The following KCNT1 variants were observed in gnomAD, a reference collection of about 807,000 sequenced individuals.
The protein encoded by KCNT1 is potassium sodium-activated channel subfamily T member 1.
Under a neutral mutation model 147.8 loss-of-function variants are expected in KCNT1, and 78 were observed. The observed-to-expected ratio is 0.53, with a 90% confidence interval of 0.44 to 0.64. The LOEUF (loss-of-function observed/expected upper bound fraction) is 0.64. KCNT1 is among the 30% of genes least tolerant of loss of function. KCNT1 has a pLI of 0.00. For synonymous variants in KCNT1, 867 were observed against 748.8 expected, an observed-to-expected ratio of 1.16 and a Z score of -2.58; for missense variants, 1,419 against 1,750.3, an observed-to-expected ratio of 0.81 and a Z score of 3.38.
intron 2 of KCNT1, among the ~76,000 whole-genome samples, chr9:135,738,388 G>C (rs1369301722): frequency 1.3e-5 from 2 of 152,222 alleles, no homozygotes; most frequent in Non-Finnish European, 2.9e-5. Context: ...GCGCTGAGAT[G>C]AGTAGGGCAG....
At chr9:135,767,361 C>A (rs1268801852) in intron 13 of KCNT1, among the ~76,000 whole-genome samples, 1 of 152,196 alleles carries the variant, frequency 6.6e-6, no homozygotes, top group Non-Finnish European at 1.5e-5. Flanking sequence ...GCGGAGCAGA[C>A]AGTGGTGCCA....
At chr9:135,759,162 G>A (rs548256193) in intron 10 of KCNT1, among the ~76,000 whole-genome samples, 13 of 152,308 alleles carry the variant, frequency 8.5e-5, no homozygotes, top group South Asian at 6.2e-4. Context: ...GGGACCTGGC[G>A]GCGACCCCAG....
chr9:135,736,618 G>C (rs1270640591), intron 2 of KCNT1: 1 of 156,336 alleles, frequency 6.4e-6, no homozygotes, highest in Non-Finnish European at 1.4e-5. Flanking sequence ...CCGCCGCGCC[G>C]AGCGCTCCCG....
At chr9:135,782,603 C>T (rs1395092290) in intron 24 of KCNT1, among the ~76,000 whole-genome samples, 3 of 152,208 alleles carry the variant, frequency 2.0e-5, no homozygotes, top group Non-Finnish European at 4.4e-5. Flanking sequence ...CTGCTGAAGC[C>T]CTCCTGTCCA....
At chr9:135,726,122 C>A (rs1836127888) in intron 2 of KCNT1, among the ~76,000 whole-genome samples, 1 of 152,028 alleles carries the variant, frequency 6.6e-6, no homozygotes, top group Non-Finnish European at 1.5e-5. Flanking sequence ...GAGAGGCCTG[C>A]AGTCGTGGGG....
intron 1 of KCNT1, among the ~76,000 whole-genome samples, chr9:135,705,127 C>T (rs1211226457): frequency 1.3e-5 from 2 of 152,228 alleles, no homozygotes; most frequent in Admixed American, 6.5e-5. Flanking sequence ...TTACTTGGGA[C>T]GAGCCTGGTG....
intron 1 of KCNT1, among the ~76,000 whole-genome samples, chr9:135,712,770 A>G (rs1835554511): frequency 6.6e-6 from 1 of 152,258 alleles, no homozygotes; most frequent in African/African-American, 2.4e-5. Context: ...ACAACAGCGA[A>G]GTATTTTCAA....
At chr9:135,791,725 C>A in intron 29 of KCNT1, 72 bp from the exon 30 acceptor site, 1 of 1,327,612 alleles carries the variant, frequency 7.5e-7, no homozygotes, top group South Asian at 1.2e-5. Flanking sequence ...AGCCCCCACA[C>A]CTCTGGGCCC....
chr9:135,759,043 G>T (rs1831715765), intron 10 of KCNT1, among the ~76,000 whole-genome samples: 1 of 152,258 alleles, frequency 6.6e-6, no homozygotes, highest in Non-Finnish European at 1.5e-5. Flanking sequence ...TGCCCTGGGG[G>T]AGGGAGAGTG....
rs547854866 is a variant in KCNT1, at chr9:135,759,538, G to C, written c.855-141G>C. 1.8e-5 allele frequency: 15 copies of C among 835,880 alleles called. No individual in the cohort carries two copies. In the Admixed American group the frequency reaches 5.3e-4, roughly 29 times the overall value. 51.8% of individuals were successfully genotyped at this position (835,880 alleles called of 1,614,324 possible). On this transcript the variant is annotated intron_variant, in intron 10 of 30. Coordinates refer to ENST00000371757, the MANE Select transcript of KCNT1 (RefSeq NM_020822.3). ...GCTGAGGGCCTGATGCCACCCAGCT[G>C]TCAGGAGGGCGGGGCTCGCCTGGTG...
rs747630922 is a variant in KCNT1, at chr9:135,768,838, A to G, written c.1411A>G (p.Thr471Ala). ...CCACCCACCCCGCCAGGACCACCAG[A>G]CCATCCTGCGCGCCTGGGCCGTGAA... ...EVDRTAADHQ[T>A]ILRAWAVKDF... Residue 471 changes from threonine to alanine, a missense_variant, in exon 15 of 31, where the codon ACC becomes GCC. Thr to Ala is a moderately conservative substitution (Grantham distance 58, BLOSUM62 0). Coordinates refer to ENST00000371757, the MANE Select transcript of KCNT1 (RefSeq NM_020822.3). 3 of 1,612,144 alleles carry G rather than the reference A, an allele frequency of 1.9e-6. No homozygotes were observed. The South Asian group carries it at 3.3e-5, about 18-fold the overall frequency.
At position 135,792,472 on chromosome 9, in the gene KCNT1, C is replaced by T. The variant is rs538082648; in HGVS notation, c.*311C>T. ...CTGGGAGGGCAACGCAGGGACTGGA[C>T]GCCCTACAGGGCCGAGCCCAGGCTG... is the stretch of plus-strand genomic sequence containing the variant. On this transcript the variant is annotated 3_prime_UTR_variant, in exon 31 of 31. Transcript: ENST00000371757. The T allele has an allele frequency of 3.9e-5, 11 of 283,362 alleles. No individual in the cohort carries two copies. Among genetic ancestry groups the T allele is most frequent in the East Asian group, 2.0e-4 (2 of 9,836 alleles). 17.6% of individuals were successfully genotyped at this position (283,362 alleles called of 1,614,324 possible). A position where few individuals can be genotyped will look rare whatever the true frequency, so the allele number is the denominator to read the frequency against.
Position 135,765,681 on chromosome 9 carries a change from C to T in KCNT1, c.1258C>T (p.Leu420=), listed in dbSNP as rs199996353. The stretch of plus-strand genomic sequence containing the variant: ...GATGGATGTCCAGGTGCGCAGAGTC[C>T]TGCAGATCCCTCTGTGGTCCCAGCG... ...TEMDVQVRRV[L]QIPLWSQRVI... Residue 420 remains leucine, a synonymous_variant, in exon 13 of 31, where the codon CTG becomes TTG. Coordinates refer to ENST00000371757, the MANE Select transcript of KCNT1 (RefSeq NM_020822.3). 2.8e-4 allele frequency: 452 copies of T among 1,610,900 alleles called. No homozygotes were observed. Among genetic ancestry groups the T allele is most frequent in the Admixed American group, 1.5e-4 (9 of 59,836 alleles).
chr9:135,766,463 G>A (rs1832292035), intron 13 of KCNT1, among the ~76,000 whole-genome samples: 2 of 152,070 alleles, frequency 1.3e-5, no homozygotes, highest in South Asian at 4.1e-4. Flanking sequence ...GATCATCAGG[G>A]GCGGACCGTC....
intron 24 of KCNT1, 28 bp downstream of exon 24, chr9:135,779,498 C>A: frequency 6.7e-7 from 1 of 1,488,446 alleles, no homozygotes; most frequent in Non-Finnish European, 9.4e-7. Context: ...GTGCCAGCTG[C>A]CACCCCAGAA....
At position 135,730,936 on chromosome 9, in the gene KCNT1, T is replaced by C. The variant is rs931826556; in HGVS notation, c.254+16216T>C. Among the ~76,000 whole-genome samples the C allele has an allele frequency of 7.0e-6, 1 of 142,562 alleles. No homozygotes were observed. Among genetic ancestry groups the C allele is most frequent in the African/African-American group, 2.6e-5 (1 of 38,186 alleles). The allele number at this position is 142,562 out of a possible 152,430, so 93.5% of individuals were successfully genotyped here. ...AGGAGGTCCAGGCTGCAGTGAGCGA[T>C]GTTCATGCCACTGCACTCCAGCCTG... On this transcript the variant is annotated intron_variant, in intron 2 of 30. Coordinates refer to ENST00000371757, the MANE Select transcript of KCNT1 (RefSeq NM_020822.3). The surrounding 1 kb of genome is among the most constrained non-coding windows in gnomAD (Gnocchi z 4.7).
chr9:135,712,558 C>A (rs1564312973), intron 1 of KCNT1, among the ~76,000 whole-genome samples: 2 of 152,122 alleles, frequency 1.3e-5, no homozygotes, highest in Admixed American at 6.5e-5. Context: ...CCCCTCTCCC[C>A]CTGTGCCCAA....
At chr9:135,756,744 A>AGTG in intron 6 of KCNT1, 129 bp from the exon 7 acceptor site, 1 of 789,280 alleles carries the variant, frequency 1.3e-6, no homozygotes, top group South Asian at 1.4e-5. Flanking sequence ...CTGACATGGG[A>AGTG]GTGAGGGTCA....
At chr9:135,791,416 T>A in intron 29 of KCNT1, 1 of 238,710 alleles carries the variant, frequency 4.2e-6, no homozygotes, top group Admixed American at 5.2e-5. Context: ...AAGGCATGCA[T>A]GCATGTGAGG....
Sources: allele counts gnomAD v4.1 joint callset (sites outside exome capture counted in the v4.1 genomes callset), GRCh38; gene constraint gnomAD v4.1.1; non-coding constraint Gnocchi (gnomAD v3.1); transcripts MANE v1.5; gene names NCBI Gene and HGNC (gene_info 2026-07-23, HGNC 2026-07-21).